Variants in ATP6V0E1 observed in about 807,000 individuals in gnomAD.
The protein encoded by ATP6V0E1 is V-type proton ATPase subunit e 1.
ATP6V0E1 carries 4 observed loss-of-function variants against 11.6 expected under a neutral mutation model. The observed-to-expected ratio is 0.35, with a 90% confidence interval of 0.17 to 0.79. The LOEUF is 0.79. Ranked by LOEUF, ATP6V0E1 falls within the 30% of genes least tolerant of loss-of-function variation. The pLI is 0.54. For missense variants in ATP6V0E1, 105 were observed against 100.0 expected, an observed-to-expected ratio of 1.05 and a Z score of -0.21; for synonymous variants, 36 against 34.8, an observed-to-expected ratio of 1.04 and a Z score of -0.13.
chr5:173,027,879 T>C (rs1756587435), intron 3 of ATP6V0E1, among the ~76,000 whole-genome samples: 2 of 152,204 alleles, frequency 1.3e-5, no homozygotes, highest in African/African-American at 2.4e-5. Context: ...CAGGCCTCAG[T>C]TGGTTCTAGT....
At chr5:172,986,766 TTTTTTGTTGTTTTTGTTTG>T in intron 1 of ATP6V0E1, 1 of 432,436 alleles carries the variant, frequency 2.3e-6, no homozygotes, top group Non-Finnish European at 4.5e-6. Flanking sequence ...ATAAGGTTGG[TTTTTTGTTGTTTTTGTTTG>T]TTTGTTTGTT....
chr5:173,017,735 G>C (rs1756424409), intron 2 of ATP6V0E1, among the ~76,000 whole-genome samples: 1 of 151,448 alleles, frequency 6.6e-6, no homozygotes, highest in East Asian at 1.9e-4. Context: ...CAGCTACTCA[G>C]GAGGCTGAAG....
At chr5:173,030,536 G>T (rs1201795065) in intron 3 of ATP6V0E1, among the ~76,000 whole-genome samples, 1 of 151,504 alleles carries the variant, frequency 6.6e-6, no homozygotes, top group African/African-American at 2.4e-5. Context: ...CGCCTCCTGG[G>T]TTCAAGTGAT....
At chr5:173,001,241 TC>T (rs1756148005) in intron 2 of ATP6V0E1, among the ~76,000 whole-genome samples, 1 of 152,114 alleles carries the variant, frequency 6.6e-6, no homozygotes, top group Admixed American at 6.6e-5. Context: ...CCCCCTGTCC[TC>T]TTTAATAAGG....
chr5:173,019,448 G>C (rs1335895761), intron 2 of ATP6V0E1, among the ~76,000 whole-genome samples: 1 of 151,992 alleles, frequency 6.6e-6, no homozygotes, highest in African/African-American at 2.4e-5. Flanking sequence ...CCAGCTACTC[G>C]GGAGGCTGAG....
rs143365309 is a variant in ATP6V0E1, at chr5:173,009,621, C to T, written c.153-10617C>T. ...CTGGGATTACAGGCGTGCACCACCACGCCCGGCTAATTTTTATTTTTAGTA... is the reference window on the plus strand; with the variant it reads ...CTGGGATTACAGGCGTGCACCACCATGCCCGGCTAATTTTTATTTTTAGTA... On this transcript the variant is annotated intron_variant, in intron 2 of 3. Transcript: ENST00000519374. Among the ~76,000 whole-genome samples, 794 of 151,612 alleles carry T rather than the reference C, an allele frequency of 5.2e-3. 10 individuals carry two copies. The highest frequency in any genetic ancestry group is 0.018 in the African/African-American group (729 of 41,348).
Position 173,017,391 on chromosome 5 carries a change from G to T in ATP6V0E1, c.153-2847G>T, listed in dbSNP as rs1391404540. On this transcript the variant is annotated intron_variant, in intron 2 of 3. Transcript: ENST00000519374. ...TTTACTAAAAATACAAAAATTAGCC[G>T]AGTGTGGTGGCAGGCGCCTGTAATC... Among the ~76,000 whole-genome samples, 3 of 151,976 alleles carry T rather than the reference G, an allele frequency of 2.0e-5. No individual in the cohort carries two copies. In the East Asian group the frequency reaches 5.8e-4, roughly 29 times the overall value.
intron 2 of ATP6V0E1, among the ~76,000 whole-genome samples, chr5:173,016,121 C>G (rs1298795647): frequency 6.6e-6 from 1 of 152,162 alleles, no homozygotes; most frequent in Non-Finnish European, 1.5e-5. Flanking sequence ...AGAGCCTCCC[C>G]GATTTATAGC....
At chr5:173,014,967 A>G (rs1220308188) in intron 2 of ATP6V0E1, among the ~76,000 whole-genome samples, 1 of 152,232 alleles carries the variant, frequency 6.6e-6, no homozygotes, top group Non-Finnish European at 1.5e-5. Flanking sequence ...TGACCTGACC[A>G]AGAAAGGGGT....
intron 1 of ATP6V0E1, chr5:172,986,730 G>A: frequency 2.2e-6 from 1 of 452,956 alleles, no homozygotes; most frequent in Admixed American, 2.4e-5. Flanking sequence ...AGCCCAAGAA[G>A]CAGGCCAAGG....
intron 1 of ATP6V0E1, among the ~76,000 whole-genome samples, chr5:172,993,365 C>T (rs4868234): frequency 0.2 from 30,635 of 150,938 alleles, 4,444 homozygotes; most frequent in East Asian, 0.74. Context: ...AAAAATTAGC[C>T]GGGCATGGTG....
chr5:173,028,889 TG>T (rs1315957354), intron 3 of ATP6V0E1, among the ~76,000 whole-genome samples: 1 of 152,168 alleles, frequency 6.6e-6, no homozygotes, highest in African/African-American at 2.4e-5. Flanking sequence ...TACAGCCTTG[TG>T]GGGTGTGCTG....
intron 3 of ATP6V0E1, among the ~76,000 whole-genome samples, chr5:173,034,041 C>T (rs1387474659): frequency 6.6e-6 from 1 of 152,192 alleles, no homozygotes; most frequent in Admixed American, 6.5e-5. Context: ...TTCGCCATGC[C>T]TGCGGAACCT....
chr5:172,992,303 G>A (rs529151629), intron 1 of ATP6V0E1, among the ~76,000 whole-genome samples: 3 of 152,108 alleles, frequency 2.0e-5, no homozygotes, highest in Non-Finnish European at 4.4e-5. Flanking sequence ...TGCCCGCCTC[G>A]GCCTCCCAAA....
In ATP6V0E1 at chr5:172,995,783, T is replaced by G. The variant is rs1756056366; in HGVS notation, c.152+961T>G. 2.0e-5 allele frequency among the ~76,000 whole-genome samples: 3 copies of G among 152,108 alleles called. No homozygotes were observed. In the South Asian group the frequency reaches 6.2e-4, roughly 31 times the overall value. ...TCATGCGCCACCATGCTCAGCTAAC[T>G]TTTTTATTTTTGTAGAGATGGAGTC... On this transcript the variant is annotated intron_variant, in intron 2 of 3. Transcript: ENST00000519374.
At chr5:173,014,764 CAT>C (rs75712331) in intron 2 of ATP6V0E1, among the ~76,000 whole-genome samples, 27,344 of 148,864 alleles carry the variant, frequency 0.18, 3,909 homozygotes, top group East Asian at 0.73. Flanking sequence ...TGGGTACAAA[CAT>C]GTGGGGTACC....
chr5:173,003,101 G>A (rs950163051), intron 2 of ATP6V0E1, among the ~76,000 whole-genome samples: 21 of 152,222 alleles, frequency 1.4e-4, no homozygotes, highest in South Asian at 1.0e-3. Context: ...GGGAGTGGTA[G>A]GTTCAGAGTT....
chr5:173,015,260 G>T (rs1424924400), intron 2 of ATP6V0E1, among the ~76,000 whole-genome samples: 1 of 152,274 alleles, frequency 6.6e-6, no homozygotes, highest in African/African-American at 2.4e-5. Context: ...CCTAGTACAA[G>T]AATTAAATGA....
chr5:173,020,579 T>C, intron 3 of ATP6V0E1: 1 of 544,256 alleles, frequency 1.8e-6, no homozygotes, highest in Non-Finnish European at 3.4e-6. Flanking sequence ...TCACCCTGCC[T>C]TTTTAAATAA....
Sources: gnomAD v4.1 joint callset for allele counts (sites outside exome capture counted in the v4.1 genomes callset) on GRCh38, gnomAD v4.1.1 for gene constraint, MANE v1.5 for transcripts, NCBI Gene and HGNC (gene_info 2026-07-23, HGNC 2026-07-21) for gene names.